The following LRRC28 variants were observed in gnomAD, a reference collection of about 807,000 sequenced individuals.
The protein encoded by LRRC28 is leucine rich repeat containing 28, also known as leucine-rich repeat-containing protein 28.
Under a neutral mutation model 45.7 loss-of-function variants are expected in LRRC28, and 39 were observed. The observed-to-expected ratio is 0.85, with a 90% CI of 0.66 to 1.12. LRRC28 has a LOEUF of 1.12. Ranked by LOEUF, LRRC28 falls within the 50% of genes most tolerant of loss-of-function variation. LRRC28 has a pLI of 0.00. For missense variants in LRRC28, 435 were observed against 438.5 expected, an observed-to-expected ratio of 0.99 and a Z score of 0.07; for synonymous variants, 206 against 178.8, an observed-to-expected ratio of 1.15 and a Z score of -1.22.
At chr15:99,267,397 C>T (rs1164998365) in intron 2 of LRRC28, among the ~76,000 whole-genome samples, 2 of 152,120 alleles carry the variant, frequency 1.3e-5, no homozygotes, top group African/African-American at 4.8e-5. Flanking sequence ...TAGGAGAAAC[C>T]GGGAGCGGGA....
chr15:99,258,557 GGAA>G (rs2081096111), intron 2 of LRRC28: 8 of 736,932 alleles, frequency 1.1e-5, no homozygotes, highest in South Asian at 2.9e-5. Context: ...CTGCAGTAGA[GGAA>G]GAAGAAGAAA....
chr15:99,331,971 T>A (rs1040425048), intron 5 of LRRC28: 2 of 152,280 alleles, frequency 1.3e-5, no homozygotes, highest in African/African-American at 4.8e-5. Flanking sequence ...TTGTGTGTGA[T>A]ATGCTTCTCA....
At chr15:99,354,764 C>A (rs897042143) in intron 7 of LRRC28, among the ~76,000 whole-genome samples, 1 of 152,188 alleles carries the variant, frequency 6.6e-6, no homozygotes, top group Admixed American at 6.5e-5. Context: ...AATATTTAAT[C>A]TGAGACCTGA....
At chr15:99,328,022 A>G (rs1025468211) in intron 5 of LRRC28, among the ~76,000 whole-genome samples, 1 of 152,132 alleles carries the variant, frequency 6.6e-6, no homozygotes, top group Non-Finnish European at 1.5e-5. Flanking sequence ...GATTTCCTAG[A>G]TTTCTTTCTG....
chr15:99,321,281 CTTA>C (rs1955786959), intron 5 of LRRC28, among the ~76,000 whole-genome samples: 1 of 152,124 alleles, frequency 6.6e-6, no homozygotes, highest in Non-Finnish European at 1.5e-5. Flanking sequence ...TATTTATTTG[CTTA>C]CGTGACTTCT....
intron 6 of LRRC28, among the ~76,000 whole-genome samples, chr15:99,345,576 A>T (rs1224760600): frequency 2.0e-5 from 3 of 152,162 alleles, no homozygotes; most frequent in Non-Finnish European, 4.4e-5. Context: ...TAGTGAAGAA[A>T]TTTAAAATAG....
chr15:99,321,153 A>G (rs1024098585), intron 5 of LRRC28, among the ~76,000 whole-genome samples: 1 of 152,206 alleles, frequency 6.6e-6, no homozygotes, highest in Non-Finnish European at 1.5e-5. Flanking sequence ...TTTGATCCCT[A>G]GAATCCATGA....
chr15:99,387,203 G>T lies in LRRC28; in HGVS notation c.*1101G>T, dbSNP rs1233412600. On this transcript the variant is annotated 3_prime_UTR_variant, in exon 10 of 10. Coordinates refer to ENST00000301981, the MANE Select transcript of LRRC28 (RefSeq NM_144598.5). ...AGCCTCCCAAGTAGCTGGGACCACA[G>T]GCGCCCGCCACCACGCCCGGCTAAT... The T allele has an allele frequency of 2.8e-5, 4 of 145,230 alleles. No individual in the cohort carries two copies. Among genetic ancestry groups the T allele is most frequent in the East Asian group, 4.1e-4 (2 of 4,862 alleles). 9.0% of individuals were successfully genotyped at this position (145,230 alleles called of 1,614,324 possible).
chr15:99,272,952 G>C (rs1252291553), intron 2 of LRRC28, among the ~76,000 whole-genome samples: 1 of 152,148 alleles, frequency 6.6e-6, no homozygotes, highest in Non-Finnish European at 1.5e-5. Context: ...ACACTAGTTT[G>C]TGTGGCTTCT....
intron 5 of LRRC28, among the ~76,000 whole-genome samples, chr15:99,314,447 A>C (rs1318664322): frequency 1.3e-5 from 2 of 151,470 alleles, no homozygotes; most frequent in Non-Finnish European, 2.9e-5. Flanking sequence ...CTAAATAAAT[A>C]AATAAATAAA....
chr15:99,325,553 G>T (rs993542434), intron 5 of LRRC28, among the ~76,000 whole-genome samples: 3 of 152,170 alleles, frequency 2.0e-5, no homozygotes, highest in Non-Finnish European at 2.9e-5. Context: ...CACCATTAAC[G>T]TAGTGTTCCA....
chr15:99,314,503 T>C (rs1302564760), intron 5 of LRRC28, among the ~76,000 whole-genome samples: 1 of 152,074 alleles, frequency 6.6e-6, no homozygotes, highest in Non-Finnish European at 1.5e-5. Flanking sequence ...CTCACAGAGC[T>C]GCGGAATCCA....
chr15:99,302,575 G>A (rs879787092), intron 5 of LRRC28, among the ~76,000 whole-genome samples: 2 of 152,098 alleles, frequency 1.3e-5, no homozygotes, highest in Non-Finnish European at 2.9e-5. Flanking sequence ...CTTTATTGAA[G>A]TGCAATTTAT....
At position 99,386,367 on chromosome 15, in the gene LRRC28, C is replaced by T. The variant is rs1002248542; in HGVS notation, c.*265C>T. The T allele has an allele frequency of 3.8e-5, 14 of 367,474 alleles. No homozygotes were observed. Among genetic ancestry groups the T allele is most frequent in the African/African-American group, 1.0e-4 (5 of 48,496 alleles). The allele number at this position is 367,474 out of a possible 1,614,324, so 22.8% of individuals were successfully genotyped here. On this transcript the variant is annotated 3_prime_UTR_variant, in exon 10 of 10. Transcript: ENST00000301981. ...TACAGAAACCATTTAGATTGATGGG[C>T]CTCCCCAAATCTAATTTAAAGCAAG...
intron 3 of LRRC28, chr15:99,285,022 C>G (rs930614060): frequency 1.2e-5 from 8 of 649,932 alleles, no homozygotes; most frequent in African/African-American, 1.8e-5. Context: ...GAAGCACTAG[C>G]CATCTCTTGG....
intron 5 of LRRC28, chr15:99,332,132 C>T (rs924979496): frequency 2.0e-5 from 3 of 152,036 alleles, no homozygotes; most frequent in Non-Finnish European, 4.4e-5. Flanking sequence ...TTATAAAACA[C>T]GATGATTCTT....
At position 99,330,810 on chromosome 15, in the gene LRRC28, G is replaced by T. The variant is rs940813527; in HGVS notation, c.386-3113G>T. Among the ~76,000 whole-genome samples the T allele has an allele frequency of 2.6e-5, 4 of 151,680 alleles. No homozygotes were observed. In the South Asian group the frequency reaches 8.3e-4, roughly 32 times the overall value. On this transcript the variant is annotated intron_variant, in intron 5 of 9. Coordinates refer to ENST00000301981, the MANE Select transcript of LRRC28 (RefSeq NM_144598.5). ...TTTTCCCCATACCTCTCCTTTTATT[G>T]CCTTTTTTCATGTTAGATAAATATT... is the stretch of plus-strand genomic sequence containing the variant.
At chr15:99,360,220 T>C (rs932773921) in intron 7 of LRRC28, among the ~76,000 whole-genome samples, 4 of 152,140 alleles carry the variant, frequency 2.6e-5, no homozygotes, top group African/African-American at 4.8e-5. Context: ...TCTTTCAGGC[T>C]TCTGTACTGC....
At chr15:99,350,316 G>T (rs2152314131) in intron 6 of LRRC28, among the ~76,000 whole-genome samples, 1 of 152,224 alleles carries the variant, frequency 6.6e-6, no homozygotes, top group East Asian at 1.9e-4. Context: ...GAGGGAAATT[G>T]TGGTTCCTTT....
Sources: gnomAD v4.1 joint callset for allele counts (sites outside exome capture counted in the v4.1 genomes callset) on GRCh38, gnomAD v4.1.1 for gene constraint, MANE v1.5 for transcripts, NCBI Gene and HGNC (gene_info 2026-07-23, HGNC 2026-07-21) for gene names.